The following CCSER1 variants were observed in gnomAD, a reference collection of about 807,000 sequenced individuals.
CCSER1 encodes serine-rich coiled-coil domain-containing protein 1.
A neutral mutation model predicts 82.0 loss-of-function variants in CCSER1; 41 were observed. That is an observed-to-expected ratio of 0.50 (90% CI 0.39 to 0.65). CCSER1 has a LOEUF of 0.65. Among genes scored for constraint, CCSER1 ranks in the 30% least tolerant of loss-of-function variants. The pLI is 0.00. For synonymous variants in CCSER1, 414 were observed against 383.9 expected (o/e 1.08, Z -0.92); for missense variants, 1,119 against 1,064.2 (o/e 1.05, Z -0.72).
At chr4:91,410,899 A>G (rs1752981891) in intron 10 of CCSER1, among the ~76,000 whole-genome samples, 1 of 152,114 alleles carries the variant, frequency 6.6e-6, no homozygotes, top group Admixed American at 6.5e-5. Context: ...TTTGGAAAAT[A>G]CAGCACATTC....
intron 10 of CCSER1, among the ~76,000 whole-genome samples, chr4:91,232,095 ATT>A (rs1738670996): frequency 1.3e-5 from 2 of 151,818 alleles, no homozygotes; most frequent in African/African-American, 4.8e-5. Flanking sequence ...ATAATTTACT[ATT>A]TTGGCAAGGA....
intron 10 of CCSER1, among the ~76,000 whole-genome samples, chr4:91,244,407 C>T (rs139365095): frequency 5.1e-4 from 77 of 152,340 alleles, no homozygotes; most frequent in Middle Eastern, 3.4e-3. Flanking sequence ...TGACCCAGCA[C>T]AGTCCCAGTA....
At chr4:91,056,541 C>T (rs910472149) in intron 9 of CCSER1, among the ~76,000 whole-genome samples, 4 of 152,154 alleles carry the variant, frequency 2.6e-5, no homozygotes, top group Non-Finnish European at 4.4e-5. Context: ...CATGCTCTGT[C>T]TGTATGACCT....
chr4:90,829,022 G>A (rs1464275925), intron 8 of CCSER1, among the ~76,000 whole-genome samples: 1 of 152,036 alleles, frequency 6.6e-6, no homozygotes, highest in Non-Finnish European at 1.5e-5. Context: ...AATGCAAAAT[G>A]GGTATCACCA....
chr4:90,440,509 T>A (rs1759710112), intron 4 of CCSER1, among the ~76,000 whole-genome samples: 1 of 152,220 alleles, frequency 6.6e-6, no homozygotes. Flanking sequence ...TGTTTTGAGA[T>A]AATTATCCTT....
chr4:90,309,541 A>G lies in CCSER1; in HGVS notation c.1257A>G (p.Ile419Met), dbSNP rs1453299690. ...GIHPISDSKI[I>M]PTSGDHHIFN... ...ATCCTATTTCAGATTCAAAGATAAT[A>G]CCTACTTCTGGTGATCATCATATTT... The change falls in exon 2 of 11, where the codon ATA becomes ATG. Residue 419 changes from isoleucine to methionine, a missense_variant. Physicochemically the swap from Ile to Met is conservative, Grantham distance 10 (BLOSUM62 1). Transcript: ENST00000509176. 2 of 1,611,440 alleles carry G rather than the reference A, an allele frequency of 1.2e-6. No homozygotes were observed. Among genetic ancestry groups the G allele is most frequent in the Non-Finnish European group, 1.7e-6 (2 of 1,178,694 alleles).
intron 8 of CCSER1, among the ~76,000 whole-genome samples, chr4:90,870,414 G>A (rs1439504237): frequency 1.3e-5 from 2 of 151,806 alleles, no homozygotes; most frequent in African/African-American, 4.8e-5. Flanking sequence ...ATAATATTGA[G>A]TTTTATTAAA....
rs145640208 is a variant in CCSER1 at position 90,140,233 on chromosome 4, A to C, written c.-42+12402A>C. 4.2e-3 allele frequency among the ~76,000 whole-genome samples: 644 copies of C among 152,324 alleles called. 6 individuals are homozygous for C. Among genetic ancestry groups the C allele is most frequent in the African/African-American group, 0.014 (570 of 41,566 alleles). On this transcript the variant is annotated intron_variant, in intron 1 of 10. Transcript: ENST00000509176. ...CCTTAAAACCCTTTCAAGAGTTAGCATGTGTGCGCAAAATTTAGGTGTTTT... is the reference window on the plus strand; with the variant it reads ...CCTTAAAACCCTTTCAAGAGTTAGCCTGTGTGCGCAAAATTTAGGTGTTTT...
intron 1 of CCSER1, among the ~76,000 whole-genome samples, chr4:90,278,683 G>A (rs545997302): frequency 2.0e-5 from 3 of 151,876 alleles, no homozygotes; most frequent in East Asian, 3.9e-4. Flanking sequence ...AGAAAAAGGG[G>A]GGATGGAAGG....
intron 10 of CCSER1, among the ~76,000 whole-genome samples, chr4:91,377,218 A>C (rs1405013950): frequency 1.3e-5 from 2 of 152,126 alleles, no homozygotes; most frequent in Admixed American, 1.3e-4. Context: ...ATACATGTGC[A>C]TGTGTCTTTA....
At chr4:91,206,321 G>A (rs1256834489) in intron 10 of CCSER1, among the ~76,000 whole-genome samples, 1 of 151,844 alleles carries the variant, frequency 6.6e-6, no homozygotes, top group African/African-American at 2.4e-5. Flanking sequence ...ACAACATCCT[G>A]ACCTCTAATG....
chr4:90,488,582 A>C (rs1400460409), intron 5 of CCSER1, among the ~76,000 whole-genome samples: 1 of 152,226 alleles, frequency 6.6e-6, no homozygotes, highest in African/African-American at 2.4e-5. Flanking sequence ...TGAATCTAGT[A>C]AATGTGGAGA....
chr4:91,506,697 T>G (rs1001046588), intron 10 of CCSER1, among the ~76,000 whole-genome samples: 1 of 152,200 alleles, frequency 6.6e-6, no homozygotes, highest in African/African-American at 2.4e-5. Context: ...TATAGTAAAC[T>G]TCATTTTTTA....
chr4:90,353,978 A>G (rs1371029877), intron 3 of CCSER1, among the ~76,000 whole-genome samples: 2 of 152,234 alleles, frequency 1.3e-5, no homozygotes, highest in Non-Finnish European at 2.9e-5. Context: ...AGAGATCTCA[A>G]AGAGATATCT....
chr4:90,750,428 T>G (rs1748409224), intron 7 of CCSER1, among the ~76,000 whole-genome samples: 3 of 152,222 alleles, frequency 2.0e-5, no homozygotes, highest in South Asian at 4.1e-4. Context: ...TCCCACTTTG[T>G]TAGGTGCACA....
rs554132864 is a variant in CCSER1 at position 91,402,510 on chromosome 4, G to A, written c.2218-196062G>A. On this transcript the variant is annotated intron_variant, in intron 10 of 10. Transcript: ENST00000509176. ...ATGGTATTGCCTAGGTTTTCTTCTAGAATTTTTATGGTTTTAGGTCTAACA... is the reference window on the plus strand; with the variant it reads ...ATGGTATTGCCTAGGTTTTCTTCTAAAATTTTTATGGTTTTAGGTCTAACA... Among the ~76,000 whole-genome samples, 12 of 152,232 alleles carry A rather than the reference G, an allele frequency of 7.9e-5. 1 individual carries two copies. The East Asian group carries it at 2.3e-3, about 29-fold the overall frequency.
intron 10 of CCSER1, among the ~76,000 whole-genome samples, chr4:91,144,091 G>C (rs1022322467): frequency 2.6e-5 from 4 of 151,496 alleles, no homozygotes; most frequent in Admixed American, 1.3e-4. Flanking sequence ...ATATACAAAG[G>C]GTTTTTATTC....
chr4:90,422,760 A>T (rs1482269489), intron 4 of CCSER1, among the ~76,000 whole-genome samples: 1 of 152,228 alleles, frequency 6.6e-6, no homozygotes, highest in Non-Finnish European at 1.5e-5. Flanking sequence ...GGGTAACATT[A>T]CAGAAGCATC....
At chr4:90,843,592 A>G (rs1762834101) in intron 8 of CCSER1, among the ~76,000 whole-genome samples, 1 of 152,150 alleles carries the variant, frequency 6.6e-6, no homozygotes, top group Admixed American at 6.5e-5. Context: ...GTATTGTGGA[A>G]CTTTTCTGAT....
Sources: allele counts gnomAD v4.1 joint callset (sites outside exome capture counted in the v4.1 genomes callset), GRCh38; gene constraint gnomAD v4.1.1; transcripts MANE v1.5; gene names NCBI Gene and HGNC (gene_info 2026-07-23, HGNC 2026-07-21).